CCNB1: variants seen among roughly 807,000 people sequenced by gnomAD.
CCNB1 encodes the protein cyclin B1.
In CCNB1, 26 loss-of-function variants were observed where a neutral mutation model predicts 44.4. The observed-to-expected ratio is 0.59, with a 90% confidence interval of 0.43 to 0.81. The LOEUF (loss-of-function observed/expected upper bound fraction) is 0.81. Ranked by LOEUF, CCNB1 falls within the 40% of genes least tolerant of loss-of-function variation. The probability of loss-of-function intolerance (pLI) is 0.00; values close to 1 mark genes in which losing one functional copy is unlikely to be tolerated. For missense variants in CCNB1, 477 were observed against 520.9 expected (o/e 0.92, Z 0.82); for synonymous variants, 195 against 181.4 (o/e 1.08, Z -0.60).
chr5:69,169,345 C>T (rs1411064987), intron 3 of CCNB1, among the ~76,000 whole-genome samples: 2 of 152,168 alleles, frequency 1.3e-5, no homozygotes, highest in Admixed American at 6.5e-5. Context: ...GCGTTAGCCA[C>T]GGCGCCCAGC....
intron 3 of CCNB1, among the ~76,000 whole-genome samples, chr5:69,169,029 GCT>G (rs1413981148): frequency 1.3e-5 from 2 of 152,192 alleles, no homozygotes; most frequent in East Asian, 1.9e-4. Flanking sequence ...GTATTCTGAA[GCT>G]CTGTTTTTTT....
chr5:69,174,141 T>TA (rs1426679773), intron 4 of CCNB1, 110 bp from the exon 5 acceptor site: 1 of 838,660 alleles, frequency 1.2e-6, no homozygotes, highest in Non-Finnish European at 1.9e-6. Context: ...TAAGAACTGA[T>TA]ATAGATTATA....
chr5:69,174,331 A>G lies in CCNB1; in HGVS notation c.627A>G (p.Leu209=). ...TGAGAGCCATCCTAATTGACTGGCT[A>G]GTACAGGTTCAAATGAAATTCAGGT... ...GNMRAILIDW[L]VQVQMKFRLL... is the part of the protein sequence containing the mutation. The change falls in exon 5 of 9, where the codon CTA becomes CTG. Residue 209 remains leucine (L), a synonymous_variant. Coordinates refer to ENST00000256442, the MANE Select transcript of CCNB1 (RefSeq NM_031966.4). 6.2e-7 allele frequency: 1 copy of G among 1,613,902 alleles called. No individual in the cohort carries two copies. The highest frequency in any genetic ancestry group is 2.2e-5 in the East Asian group (1 of 44,880).
intron 6 of CCNB1, 94 bp downstream of exon 6, chr5:69,175,207 C>A: frequency 9.5e-7 from 1 of 1,056,724 alleles, no homozygotes; most frequent in Non-Finnish European, 1.4e-6. Flanking sequence ...CTGTATTATA[C>A]CTAACTACAT....
rs769916796 is a variant in CCNB1, at chr5:69,171,461, T to TA, written c.546+10dup. 6.4e-7 allele frequency: 1 copy of TA among 1,571,068 alleles called. No individual in the cohort carries two copies. The highest frequency in any genetic ancestry group is 8.6e-7 in the Non-Finnish European group (1 of 1,159,126). ...ATCTGAGACAACTTGAGGTAAGTATTATCATTCGTTTTTTTTCTAAACTGC... is the reference window on the plus strand; with the variant it reads ...ATCTGAGACAACTTGAGGTAAGTATTAATCATTCGTTTTTTTTCTAAACTGC... On this transcript the variant is annotated intron_variant, in intron 4 of 8. Transcript: ENST00000256442.
Position 69,167,368 on chromosome 5 carries a change from G to C in CCNB1, c.21+85G>C, listed in dbSNP as rs755470965. On this transcript the variant is annotated intron_variant, in intron 1 of 8. Coordinates refer to ENST00000256442, the MANE Select transcript of CCNB1 (RefSeq NM_031966.4). Reference sequence around the variant, plus strand: ...CCTCGCCTGCGGGAGCCTCCCGAGCGGGAGAGGGCCGCAGGAGCGATTTGG... The same window carrying C: ...CCTCGCCTGCGGGAGCCTCCCGAGCCGGAGAGGGCCGCAGGAGCGATTTGG... 2.1e-5 allele frequency: 32 copies of C among 1,514,254 alleles called. No individual in the cohort carries two copies. The African/African-American group carries it at 4.2e-4, about 20-fold the overall frequency. The allele number at this position is 1,514,254 out of a possible 1,614,324, so 93.8% of individuals were successfully genotyped here.
At chr5:69,176,471 C>A (rs1023760325) in intron 7 of CCNB1, among the ~76,000 whole-genome samples, 1 of 151,554 alleles carries the variant, frequency 6.6e-6, no homozygotes, top group Non-Finnish European at 1.5e-5. Context: ...ATTCTCCTGC[C>A]TCAGCCTCCC....
At chr5:69,170,043 AACCTCT>A (rs1747426062) in intron 3 of CCNB1, among the ~76,000 whole-genome samples, 2 of 151,608 alleles carry the variant, frequency 1.3e-5, no homozygotes, top group African/African-American at 4.9e-5. Context: ...GGCTCACTGC[AACCTCT>A]ACCTCCTGGG....
At chr5:69,174,227 A>T (rs1747527299) in intron 4 of CCNB1, 24 bp from the exon 5 acceptor site, 1 of 1,611,560 alleles carries the variant, frequency 6.2e-7, no homozygotes. Flanking sequence ...TGTTTCTAAG[A>T]ATAATCAGCA....
At chr5:69,176,010 T>TATATATATATATAC (rs1747581043) in intron 7 of CCNB1, among the ~76,000 whole-genome samples, 1 of 133,086 alleles carries the variant, frequency 7.5e-6, no homozygotes, top group Non-Finnish European at 1.6e-5. Context: ...TATATATATA[T>TATATATATATATAC]ATATACAGGC....
At position 69,168,199 on chromosome 5, in the gene CCNB1, A is replaced by C; in HGVS notation, c.219A>C (p.Lys73Asn). The change falls in exon 3 of 9, where the codon AAA (lysine) becomes AAC (asparagine). Residue 73 changes from lysine to asparagine, a missense_variant. Physicochemically the swap from Lys to Asn is moderately conservative, Grantham distance 94. Transcript: ENST00000256442. ...KKEAKPSATGKVIDKKLPKPL... is the reference protein window; with the variant it reads ...KKEAKPSATGNVIDKKLPKPL... ...AAGCAAAACCTTCAGCTACTGGAAA[A>C]GTCATTGATAAAAAACTACCAAAAC... The C allele has an allele frequency of 6.2e-7, 1 of 1,614,190 alleles. No individual in the cohort carries two copies. The highest frequency in any genetic ancestry group is 8.5e-7 in the Non-Finnish European group (1 of 1,180,030).
In CCNB1 at chr5:69,172,949, ATTT is replaced by A. The variant is rs1344696368; in HGVS notation, c.547-1299_547-1297del. Among the ~76,000 whole-genome samples the A allele has an allele frequency of 1.3e-4, 19 of 151,266 alleles. 1 individual carries two copies. The highest frequency in any genetic ancestry group is 4.6e-4 in the African/African-American group (19 of 41,118). On this transcript the variant is annotated intron_variant, in intron 4 of 8. Coordinates refer to ENST00000256442, the MANE Select transcript of CCNB1 (RefSeq NM_031966.4). ...CCACCACGCCTGGCTAATTTTTTAT[ATTT>A]TTAGTAGAGACGGGGTTTCACCGTG...
At chr5:69,168,942 T>C (rs1239517714) in intron 3 of CCNB1, among the ~76,000 whole-genome samples, 1 of 152,240 alleles carries the variant, frequency 6.6e-6, no homozygotes, top group Non-Finnish European at 1.5e-5. Context: ...TATGTAAATG[T>C]ATTCTATGAT....
intron 3 of CCNB1, among the ~76,000 whole-genome samples, chr5:69,168,815 T>G (rs1168892829): frequency 6.6e-6 from 1 of 152,218 alleles, no homozygotes; most frequent in African/African-American, 2.4e-5. Flanking sequence ...ATAATAAGCC[T>G]GTAACATTGG....
chr5:69,174,696 CAG>C (rs1747541223), intron 5 of CCNB1, among the ~76,000 whole-genome samples, 179 bp from the exon 6 acceptor site: 1 of 151,804 alleles, frequency 6.6e-6, no homozygotes, highest in African/African-American at 2.4e-5. Flanking sequence ...GCCTGGGTGA[CAG>C]AGCGAGACTC....
chr5:69,168,427 A>G (rs1747388932), intron 3 of CCNB1, 84 bp downstream of exon 3: 2 of 1,479,900 alleles, frequency 1.4e-6, no homozygotes, highest in African/African-American at 2.8e-5. Context: ...ATTCAAATGA[A>G]TAGTAATATT....
chr5:69,176,014 T>TATATAC (rs1554057014), intron 7 of CCNB1, among the ~76,000 whole-genome samples: 21 of 134,946 alleles, frequency 1.6e-4, no homozygotes, highest in Admixed American at 1.5e-3. Flanking sequence ...TATATATATA[T>TATATAC]ACAGGCACAC....
At chr5:69,167,881 C>T (rs373876739) in intron 1 of CCNB1, 27 bp from the exon 2 acceptor site, 2 of 1,591,196 alleles carry the variant, frequency 1.3e-6, no homozygotes, top group African/African-American at 2.7e-5. Context: ...CGTGGATCAG[C>T]TCTTAAAGTG....
Position 69,168,274 on chromosome 5 carries a change from GCCAGAGCCAGAA to G in CCNB1, c.297_308del (p.Glu106_Pro109del), listed in dbSNP as rs1465479380. On this transcript the variant is annotated inframe_deletion, in exon 3 of 9. Coordinates refer to ENST00000256442, the MANE Select transcript of CCNB1 (RefSeq NM_031966.4). ...TGCCAGTGCCAGTGTCTGAGCCAGT[GCCAGAGCCAGAA>G]CCTGAGCCAGAACCTGAGCCTGTTA... is the stretch of plus-strand genomic sequence containing the variant. The G allele has an allele frequency of 3.1e-6, 5 of 1,613,714 alleles. No individual in the cohort carries two copies. The African/African-American group carries it at 6.7e-5, about 22-fold the overall frequency.
Sources: allele counts gnomAD v4.1 joint callset (sites outside exome capture counted in the v4.1 genomes callset), GRCh38; gene constraint gnomAD v4.1.1; transcripts MANE v1.5; gene names NCBI Gene and HGNC (gene_info 2026-07-23, HGNC 2026-07-21).